The following CDH12 variants were observed in gnomAD, a reference collection of about 807,000 sequenced individuals.
CDH12 encodes cadherin 12.
A neutral mutation model predicts 74.1 loss-of-function variants in CDH12; 41 were observed. That is an observed-to-expected ratio of 0.55 (90% CI 0.43 to 0.72). The LOEUF (loss-of-function observed/expected upper bound fraction) is 0.72. Ranked by LOEUF, CDH12 falls within the 30% of genes least tolerant of loss-of-function variation. The pLI, the probability that CDH12 is intolerant of heterozygous loss-of-function variation, is 0.00. For missense variants in CDH12, 945 were observed against 977.2 expected (o/e 0.97, Z 0.44); for synonymous variants, 399 against 355.0 (o/e 1.12, Z -1.39).
intron 9 of CDH12, among the ~76,000 whole-genome samples, chr5:21,815,566 A>T (rs1747994660): frequency 6.6e-6 from 1 of 152,218 alleles, no homozygotes; most frequent in Non-Finnish European, 1.5e-5. Context: ...TGCCCTCAGC[A>T]ATCCTCTTTG....
intron 8 of CDH12, among the ~76,000 whole-genome samples, chr5:21,839,781 G>A (rs1282627859): frequency 2.0e-5 from 3 of 152,090 alleles, no homozygotes; most frequent in African/African-American, 7.2e-5. Flanking sequence ...TGACTGCCTA[G>A]TGACTTAATT....
At chr5:21,882,829 T>C in intron 6 of CDH12, 1 of 1,557,650 alleles carries the variant, frequency 6.4e-7, no homozygotes. Flanking sequence ...GGTGTGACTG[T>C]TGCAAAGTCA....
chr5:22,150,500 A>G (rs1747494789), intron 4 of CDH12, among the ~76,000 whole-genome samples: 1 of 146,650 alleles, frequency 6.8e-6, no homozygotes, highest in African/African-American at 2.5e-5. Flanking sequence ...ATGTATATGT[A>G]GAACATATAT....
rs537117748 is a variant in CDH12, at chr5:22,267,668, CTATT to C, written c.-332-55029_-332-55026del. The stretch of plus-strand genomic sequence containing the variant: ...GGATGTTGACCAATTCTAGTGGTCT[CTATT>C]TACTGCTCTAACTAGTGACTATAAC... On this transcript the variant is annotated intron_variant, in intron 3 of 14. Transcript: ENST00000382254. 2.1e-3 allele frequency among the ~76,000 whole-genome samples: 327 copies of C among 152,242 alleles called. 2 individuals are homozygous for C. Among genetic ancestry groups the C allele is most frequent in the African/African-American group, 7.6e-3 (316 of 41,552 alleles).
At chr5:22,800,312 T>C (rs879698794) in intron 1 of CDH12, among the ~76,000 whole-genome samples, 4 of 152,164 alleles carry the variant, frequency 2.6e-5, no homozygotes, top group Non-Finnish European at 2.9e-5. Flanking sequence ...TAAAGGAGTT[T>C]TTTTCTTACT....
At chr5:22,794,016 C>T (rs1748057157) in intron 1 of CDH12, among the ~76,000 whole-genome samples, 1 of 152,192 alleles carries the variant, frequency 6.6e-6, no homozygotes, top group African/African-American at 2.4e-5. Context: ...TCTACAGTGT[C>T]ACTGGAAGGA....
chr5:22,287,011 G>A (rs906051640), intron 3 of CDH12, among the ~76,000 whole-genome samples: 2 of 152,104 alleles, frequency 1.3e-5, no homozygotes, highest in Non-Finnish European at 1.5e-5. Context: ...AGGGAGAATC[G>A]GAAAGTTGAA....
chr5:22,185,348 A>T lies in CDH12; in HGVS notation c.-187+27150T>A, dbSNP rs182410084. ...CAAGTAGCTGGGATTACAGGTGTGC[A>T]CCTCCATGCCTGGCTAATTTTTTTT... On this transcript the variant is annotated intron_variant, in intron 4 of 14. Transcript: ENST00000382254. 3.1e-3 allele frequency among the ~76,000 whole-genome samples: 468 copies of T among 151,730 alleles called. 4 individuals carry two copies. Among genetic ancestry groups the T allele is most frequent in the African/African-American group, 0.011 (461 of 41,338 alleles).
chr5:21,962,463 T>G (rs1416866529), intron 6 of CDH12, among the ~76,000 whole-genome samples: 2 of 152,178 alleles, frequency 1.3e-5, no homozygotes, highest in African/African-American at 4.8e-5. Context: ...TGACAATATC[T>G]CCATAGTCTA....
chr5:22,685,884 T>A (rs936189445), intron 1 of CDH12, among the ~76,000 whole-genome samples: 1 of 152,212 alleles, frequency 6.6e-6, no homozygotes, highest in African/African-American at 2.4e-5. Context: ...TATGGACATA[T>A]GTTTTTATTT....
intron 1 of CDH12, among the ~76,000 whole-genome samples, chr5:22,740,643 T>C (rs114580781): frequency 0.057 from 8,595 of 152,082 alleles, 277 homozygotes; most frequent in Admixed American, 0.083. Flanking sequence ...TTATTCTAAA[T>C]GAGGAAAAGA....
chr5:22,548,807 A>G (rs1202784034), intron 1 of CDH12, among the ~76,000 whole-genome samples: 1 of 151,866 alleles, frequency 6.6e-6, no homozygotes, highest in Non-Finnish European at 1.5e-5. Flanking sequence ...CACGGTGGCT[A>G]TTAGTTTGTG....
chr5:21,842,060 C>A, intron 8 of CDH12, 101 bp downstream of exon 8: 1 of 881,986 alleles, frequency 1.1e-6, no homozygotes, highest in Non-Finnish European at 1.8e-6. Flanking sequence ...TTCCTAAAGA[C>A]TAAGTGTCTG....
intron 4 of CDH12, among the ~76,000 whole-genome samples, chr5:22,193,170 G>C (rs1750407986): frequency 6.6e-6 from 1 of 152,136 alleles, no homozygotes; most frequent in African/African-American, 2.4e-5. Context: ...TTGTTTGTTT[G>C]TTTGTTTTTG....
At chr5:22,065,680 T>A (rs1226301137) in intron 5 of CDH12, among the ~76,000 whole-genome samples, 1 of 152,112 alleles carries the variant, frequency 6.6e-6, no homozygotes. Context: ...AGCCCCAGCA[T>A]CCCAGTGATC....
At chr5:21,996,570 C>T (rs371437746) in intron 5 of CDH12, among the ~76,000 whole-genome samples, 1 of 152,124 alleles carries the variant, frequency 6.6e-6, no homozygotes, top group Non-Finnish European at 1.5e-5. Flanking sequence ...ACTGGGTTAT[C>T]CAGTCCTCTG....
At chr5:22,454,887 G>T (rs541686096) in intron 2 of CDH12, among the ~76,000 whole-genome samples, 19 of 152,234 alleles carry the variant, frequency 1.2e-4, no homozygotes, top group Non-Finnish European at 2.8e-4. Context: ...TTACTCCGGG[G>T]TCTATGGCTT....
chr5:21,771,341 A>C (rs1015426132), intron 11 of CDH12, among the ~76,000 whole-genome samples: 7 of 152,162 alleles, frequency 4.6e-5, no homozygotes, highest in African/African-American at 1.7e-4. Context: ...TAAATGAATG[A>C]TATAGGTTGA....
intron 1 of CDH12, among the ~76,000 whole-genome samples, chr5:22,790,475 A>T (rs931023533): frequency 4.6e-5 from 7 of 152,122 alleles, no homozygotes; most frequent in African/African-American, 1.7e-4. Flanking sequence ...AGTTAGAAGG[A>T]TACCTAGCAA....
Sources: allele counts gnomAD v4.1 joint callset (sites outside exome capture counted in the v4.1 genomes callset), GRCh38; gene constraint gnomAD v4.1.1; transcripts MANE v1.5; gene names NCBI Gene and HGNC (gene_info 2026-07-23, HGNC 2026-07-21).